The following ASAP2 variants were observed in gnomAD, a reference collection of about 807,000 sequenced individuals.
ASAP2 encodes ArfGAP with SH3 domain, ankyrin repeat and PH domain 2.
ASAP2 carries 45 observed loss-of-function variants against 131.4 expected under a neutral mutation model. The ratio of observed to expected loss-of-function variants is 0.34; its 90% CI spans 0.27 to 0.44. The LOEUF is 0.44. ASAP2 is among the 20% of genes least tolerant of loss of function. The pLI is 1.00. For missense variants in ASAP2, 1,011 were observed against 1,297.0 expected, an observed-to-expected ratio of 0.78 and a Z score of 3.39; for synonymous variants, 510 against 503.0, an observed-to-expected ratio of 1.01 and a Z score of -0.19.
intron 2 of ASAP2, among the ~76,000 whole-genome samples, chr2:9,295,672 A>G (rs1668108221): frequency 6.6e-6 from 1 of 152,176 alleles, no homozygotes; most frequent in Admixed American, 6.5e-5. Flanking sequence ...GTGCACATGT[A>G]TGTTTCTGTC....
chr2:9,270,460 T>C (rs994845934), intron 1 of ASAP2, among the ~76,000 whole-genome samples: 49 of 152,170 alleles, frequency 3.2e-4, no homozygotes, highest in African/African-American at 1.2e-3. Flanking sequence ...GTACGTGGTA[T>C]ATATTTTTAT....
intron 12 of ASAP2, among the ~76,000 whole-genome samples, chr2:9,351,255 A>G (rs1435907685): frequency 1.3e-5 from 2 of 152,268 alleles, no homozygotes; most frequent in Non-Finnish European, 2.9e-5. Flanking sequence ...TCTGTTTTCA[A>G]GAACTTACAT....
Position 9,242,846 on chromosome 2 carries a change from A to G in ASAP2, c.126+35616A>G, listed in dbSNP as rs145710262. Among the ~76,000 whole-genome samples the G allele has an allele frequency of 3.8e-3, 576 of 152,264 alleles. 6 individuals carry two copies. Among genetic ancestry groups the G allele is most frequent in the African/African-American group, 0.013 (552 of 41,554 alleles). On this transcript the variant is annotated intron_variant, in intron 1 of 27. Coordinates refer to ENST00000281419, the MANE Select transcript of ASAP2 (RefSeq NM_003887.3). ...TGTCCGATGATTGTCAGGTGAGACT[A>G]TTACACGTGTTCAGACCATTGGGTG...
chr2:9,253,357 A>G lies in ASAP2; in HGVS notation c.127-25960A>G, dbSNP rs140583550. 1.4e-3 allele frequency among the ~76,000 whole-genome samples: 206 copies of G among 152,012 alleles called. 5 individuals carry two copies. The East Asian group carries it at 0.037, about 28-fold the overall frequency. On this transcript the variant is annotated intron_variant, in intron 1 of 27. Coordinates refer to ENST00000281419, the MANE Select transcript of ASAP2 (RefSeq NM_003887.3). Reference sequence around the variant, plus strand: ...TTTTGTATTTTTAGTAGAGACAGAGATTCACCATGTTGGCCAGGCTGGTCT... The same window carrying G: ...TTTTGTATTTTTAGTAGAGACAGAGGTTCACCATGTTGGCCAGGCTGGTCT...
Position 9,292,632 on chromosome 2 carries a change from C to A in ASAP2, c.200-4668C>A, listed in dbSNP as rs376005370. 2.2e-4 allele frequency among the ~76,000 whole-genome samples: 33 copies of A among 152,356 alleles called. No individual in the cohort carries two copies. The South Asian group carries it at 6.8e-3, about 32-fold the overall frequency. On this transcript the variant is annotated intron_variant, in intron 2 of 27. Transcript: ENST00000281419. ...TGTCTGTTTCTGTGATCTGCTCCTT[C>A]TCTACTCGACAAGTCTTACCTGTCC...
intron 3 of ASAP2, among the ~76,000 whole-genome samples, chr2:9,300,645 T>C (rs1475072066): frequency 6.6e-6 from 1 of 152,226 alleles, no homozygotes; most frequent in East Asian, 1.9e-4. Context: ...GTTTCATTTA[T>C]TCCTCTTGGC....
Position 9,265,937 on chromosome 2 carries a change from T to C in ASAP2, c.127-13380T>C, listed in dbSNP as rs566336250. Among the ~76,000 whole-genome samples, 447 of 152,190 alleles carry C rather than the reference T, an allele frequency of 2.9e-3. 1 individual carries two copies. Among genetic ancestry groups the C allele is most frequent in the Non-Finnish European group, 5.1e-3 (345 of 68,004 alleles). ...ACAGGCGCGTGCCACCATGCCCAGC[T>C]AATTTTTTGTATTTTTAGTAGAAGC... On this transcript the variant is annotated intron_variant, in intron 1 of 27. Transcript: ENST00000281419.
At chr2:9,305,594 GGT>G (rs1326604494) in intron 3 of ASAP2, among the ~76,000 whole-genome samples, 5 of 134,522 alleles carry the variant, frequency 3.7e-5, no homozygotes, top group South Asian at 2.6e-4. Context: ...GATATTGGAG[GGT>G]CTGGAGTAGT....
At chr2:9,367,013 C>G (rs576564302) in intron 15 of ASAP2, among the ~76,000 whole-genome samples, 1 of 148,552 alleles carries the variant, frequency 6.7e-6, no homozygotes, top group East Asian at 2.0e-4. Context: ...TTTGTTAACT[C>G]CTTTGCCTGC....
At chr2:9,301,191 C>T (rs556732541) in intron 3 of ASAP2, among the ~76,000 whole-genome samples, 1 of 152,344 alleles carries the variant, frequency 6.6e-6, no homozygotes, top group African/African-American at 2.4e-5. Flanking sequence ...CTAAGACTCA[C>T]AGTGCTACCT....
intron 7 of ASAP2, among the ~76,000 whole-genome samples, chr2:9,329,213 G>A (rs531066086): frequency 6.6e-6 from 1 of 152,310 alleles, no homozygotes; most frequent in African/African-American, 2.4e-5. Flanking sequence ...GGAGAGTGGC[G>A]TGAAACGAAA....
chr2:9,251,018 G>A (rs543392761), intron 1 of ASAP2, among the ~76,000 whole-genome samples: 2 of 152,356 alleles, frequency 1.3e-5, no homozygotes, highest in Admixed American at 6.5e-5. Flanking sequence ...TGGCATTTGG[G>A]TGGATCTTGA....
chr2:9,370,429 G>A (rs1373131535), intron 16 of ASAP2, among the ~76,000 whole-genome samples: 1 of 152,178 alleles, frequency 6.6e-6, no homozygotes. Flanking sequence ...TACCAGGCAT[G>A]AGGTTGACAA....
chr2:9,256,144 C>T (rs1665141914), intron 1 of ASAP2, among the ~76,000 whole-genome samples: 1 of 126,410 alleles, frequency 7.9e-6, no homozygotes, highest in Non-Finnish European at 1.6e-5. Context: ...AGGAGAAAAA[C>T]TATTCTAGGG....
In ASAP2 at chr2:9,356,354, G is replaced by T; in HGVS notation, c.1327+9G>T. 1 of 1,578,138 alleles carries T rather than the reference G, an allele frequency of 6.3e-7. No homozygotes were observed. Among genetic ancestry groups the T allele is most frequent in the South Asian group, 1.2e-5 (1 of 84,564 alleles). The stretch of plus-strand genomic sequence containing the variant: ...TGACTGTGGGGCGCCAGGTGACCCA[G>T]GGACCCCACCCGACCCTGGGCTCTA... On this transcript the variant is annotated intron_variant, in intron 14 of 27. Coordinates refer to ENST00000281419, the MANE Select transcript of ASAP2 (RefSeq NM_003887.3).
intron 21 of ASAP2, among the ~76,000 whole-genome samples, chr2:9,388,074 C>T (rs1675423813): frequency 6.6e-6 from 1 of 152,148 alleles, no homozygotes; most frequent in Admixed American, 6.5e-5. Flanking sequence ...AAAGCCAAAC[C>T]ATATCAGTGT....
In ASAP2 at chr2:9,252,985, A is replaced by C. The variant is rs1489539756; in HGVS notation, c.127-26332A>C. On this transcript the variant is annotated intron_variant, in intron 1 of 27. Coordinates refer to ENST00000281419, the MANE Select transcript of ASAP2 (RefSeq NM_003887.3). Reference sequence around the variant, plus strand: ...TGGGCCCAATCACTGGTCCTACACCAAGCATCTTGACTATTTAGTTGTTCA... The same window carrying C: ...TGGGCCCAATCACTGGTCCTACACCCAGCATCTTGACTATTTAGTTGTTCA... 3.3e-5 allele frequency among the ~76,000 whole-genome samples: 5 copies of C among 151,856 alleles called. No individual in the cohort carries two copies. In the East Asian group the frequency reaches 9.7e-4, roughly 29 times the overall value.
rs775329548 is a variant in ASAP2 at position 9,350,808 on chromosome 2, G to A, written c.1024G>A (p.Ala342Thr). 5 of 1,612,724 alleles carry A rather than the reference G, an allele frequency of 3.1e-6. No homozygotes were observed. Among genetic ancestry groups the A allele is most frequent in the Non-Finnish European group, 4.2e-6 (5 of 1,179,244 alleles). The change falls in exon 12 of 28, where the codon GCT becomes ACT. Residue 342 changes from alanine (A) to threonine (T), a missense_variant and splice_region_variant. Ala to Thr is a moderately conservative substitution (Grantham distance 58). Coordinates refer to ENST00000281419, the MANE Select transcript of ASAP2 (RefSeq NM_003887.3). The part of the protein sequence containing the change: ...NGFLTISHGT[A>T]NRPPAKLNLL... ...TTTGTTGTTTTTTGCTTTTAAACAG[G>A]CTAACCGGCCTCCTGCAAAGCTCAA... is the stretch of plus-strand genomic sequence containing the variant.
chr2:9,254,254 T>TATATATATATATATACACACACAC (rs1553297027), intron 1 of ASAP2, among the ~76,000 whole-genome samples: 16 of 65,736 alleles, frequency 2.4e-4, no homozygotes, highest in Admixed American at 3.5e-4. Flanking sequence ...TATATATATA[T>TATATATATATATATACACACACAC]ACACGTGTGT....
Sources: gnomAD v4.1 joint callset for allele counts (sites outside exome capture counted in the v4.1 genomes callset) on GRCh38, gnomAD v4.1.1 for gene constraint, MANE v1.5 for transcripts, NCBI Gene and HGNC (gene_info 2026-07-23, HGNC 2026-07-21) for gene names.